The following CACNA2D3 variants were observed in gnomAD, a reference collection of about 807,000 sequenced individuals.
The protein encoded by CACNA2D3 is calcium voltage-gated channel auxiliary subunit alpha2delta 3.
A neutral mutation model predicts 160.6 loss-of-function variants in CACNA2D3; 60 were observed. The observed-to-expected ratio is 0.37, with a 90% CI of 0.30 to 0.46. CACNA2D3 has a LOEUF of 0.46. Among genes scored for constraint, CACNA2D3 ranks in the 20% least tolerant of loss-of-function variants. The pLI, the probability that CACNA2D3 is intolerant of heterozygous loss-of-function variation, is 1.00. For missense variants in CACNA2D3, 1,205 were observed against 1,365.0 expected (o/e 0.88, Z 1.85); for synonymous variants, 558 against 492.9 (o/e 1.13, Z -1.75).
At chr3:55,000,209 C>T (rs1042052431) in intron 31 of CACNA2D3, among the ~76,000 whole-genome samples, 5 of 151,938 alleles carry the variant, frequency 3.3e-5, no homozygotes, top group African/African-American at 7.3e-5. Flanking sequence ...TGTAATCAGC[C>T]GAACAGGATA....
intron 14 of CACNA2D3, among the ~76,000 whole-genome samples, chr3:54,819,720 C>G (rs1177768444): frequency 6.6e-6 from 1 of 152,100 alleles, no homozygotes. Flanking sequence ...TGGCGCACAC[C>G]TATAGTCCCA....
At chr3:54,631,196 T>G (rs1699229870) in intron 10 of CACNA2D3, among the ~76,000 whole-genome samples, 1 of 116,130 alleles carries the variant, frequency 8.6e-6, no homozygotes, top group Admixed American at 9.1e-5. Context: ...AGAGCGAGAC[T>G]CCATCAAACA....
rs753110663 is a variant in CACNA2D3, at chr3:54,572,556, C to T, written c.888+2452C>T. 1.3e-4 allele frequency among the ~76,000 whole-genome samples: 20 copies of T among 152,160 alleles called. 2 individuals carry two copies. Among genetic ancestry groups the T allele is most frequent in the Admixed American group, 1.1e-3 (17 of 15,276 alleles). ...GCACGGTGAAGGCTCAGACATTGTC[C>T]GGCTTCACCTTGCACCCTTTCCTGA... On this transcript the variant is annotated intron_variant, in intron 8 of 37. Transcript: ENST00000474759.
At chr3:54,350,987 T>TTTTTTTTTTTG (rs1698550335) in intron 3 of CACNA2D3, among the ~76,000 whole-genome samples, 1 of 28,784 alleles carries the variant, frequency 3.5e-5, no homozygotes, top group African/African-American at 1.6e-4. Context: ...TTTTTGTTTG[T>TTTTTTTTTTTG]TTTTTTTTTT....
Position 54,122,653 on chromosome 3 carries a change from G to A in CACNA2D3, c.-61G>A, listed in dbSNP as rs1699497602. 1.0e-6 allele frequency: 1 copy of A among 990,560 alleles called. No individual in the cohort carries two copies. The highest frequency in any genetic ancestry group is 1.8e-5 in the African/African-American group (1 of 55,268). The allele number at this position is 990,560 out of a possible 1,614,324, so 61.4% of individuals were successfully genotyped here. A position where few individuals can be genotyped will look rare whatever the true frequency, so the allele number is the denominator to read the frequency against. On this transcript the variant is annotated 5_prime_UTR_variant, in exon 1 of 38. Transcript: ENST00000474759. Reference sequence around the variant, plus strand: ...CGCGCGCTCGCCCACCGCCCGCTCCGCGCAGCTCCCCGCGGCCGCTCTCGT... The same window carrying A: ...CGCGCGCTCGCCCACCGCCCGCTCCACGCAGCTCCCCGCGGCCGCTCTCGT...
chr3:54,685,823 T>G (rs935433627), intron 11 of CACNA2D3, among the ~76,000 whole-genome samples: 1 of 152,160 alleles, frequency 6.6e-6, no homozygotes, highest in Non-Finnish European at 1.5e-5. Flanking sequence ...GATTCCTTCC[T>G]CCACCTCATC....
At chr3:54,939,956 T>A (rs76294476) in intron 27 of CACNA2D3, among the ~76,000 whole-genome samples, 3,226 of 152,232 alleles carry the variant, frequency 0.021, 115 homozygotes, top group African/African-American at 0.07. Flanking sequence ...CCATGATGGA[T>A]TTCTAGGTCA....
At chr3:54,854,806 C>T (rs114092021) in intron 17 of CACNA2D3, among the ~76,000 whole-genome samples, 1 of 152,162 alleles carries the variant, frequency 6.6e-6, no homozygotes, top group Non-Finnish European at 1.5e-5. Context: ...AAGATATTCC[C>T]TGATGCTTAG....
At chr3:54,849,627 A>G (rs1179897785) in intron 17 of CACNA2D3, among the ~76,000 whole-genome samples, 1 of 152,194 alleles carries the variant, frequency 6.6e-6, no homozygotes, top group Non-Finnish European at 1.5e-5. Flanking sequence ...TAGCTCAGGC[A>G]GGGAACCCTC....
At chr3:54,753,446 G>T (rs1315581697) in intron 12 of CACNA2D3, among the ~76,000 whole-genome samples, 2 of 152,116 alleles carry the variant, frequency 1.3e-5, no homozygotes, top group African/African-American at 4.8e-5. Flanking sequence ...AACTCTGAAG[G>T]TACATGGTCC....
At chr3:54,157,360 A>G (rs964422800) in intron 2 of CACNA2D3, among the ~76,000 whole-genome samples, 3 of 152,152 alleles carry the variant, frequency 2.0e-5, no homozygotes, top group Non-Finnish European at 4.4e-5. Context: ...GGGGGACACA[A>G]TATATCCCAT....
chr3:54,359,075 G>T (rs192309275), intron 3 of CACNA2D3, among the ~76,000 whole-genome samples: 3 of 152,128 alleles, frequency 2.0e-5, no homozygotes, highest in African/African-American at 7.2e-5. Context: ...TATGCATTAT[G>T]GGAGAAATGA....
chr3:54,875,993 A>G (rs1575524838), intron 18 of CACNA2D3, among the ~76,000 whole-genome samples: 2 of 152,316 alleles, frequency 1.3e-5, no homozygotes, highest in Middle Eastern at 3.4e-3. Context: ...TTCTCTGACT[A>G]TGTGTTAAGT....
At chr3:54,352,425 GTT>G in intron 3 of CACNA2D3, among the ~76,000 whole-genome samples, 1 of 152,328 alleles carries the variant, frequency 6.6e-6, no homozygotes, top group East Asian at 1.9e-4. Flanking sequence ...ATAAATGCTT[GTT>G]AAAGTGAACT....
At chr3:54,454,093 A>G (rs1199684276) in intron 4 of CACNA2D3, among the ~76,000 whole-genome samples, 2 of 152,190 alleles carry the variant, frequency 1.3e-5, no homozygotes, top group Non-Finnish European at 2.9e-5. Context: ...TAACAGTCCT[A>G]TGAATCTGCA....
At chr3:54,490,459 T>C (rs1193166203) in intron 4 of CACNA2D3, among the ~76,000 whole-genome samples, 1 of 152,244 alleles carries the variant, frequency 6.6e-6, no homozygotes, top group East Asian at 1.9e-4. Context: ...CATCTAATTC[T>C]TCCTCTGGCT....
intron 2 of CACNA2D3, among the ~76,000 whole-genome samples, chr3:54,288,696 C>T (rs1575371328): frequency 6.6e-6 from 1 of 152,246 alleles, no homozygotes; most frequent in Non-Finnish European, 1.5e-5. Flanking sequence ...AAACTGAATC[C>T]AGCAGCACAT....
At chr3:55,036,717 C>A (rs140624235) in intron 35 of CACNA2D3, among the ~76,000 whole-genome samples, 10,172 of 152,122 alleles carry the variant, frequency 0.067, 1,139 homozygotes, top group African/African-American at 0.23. Flanking sequence ...CCACCCACCT[C>A]GGCTTCCCAA....
rs564733953 is a variant in CACNA2D3, at chr3:54,598,128, A to G, written c.963+16251A>G. 1.6e-3 allele frequency among the ~76,000 whole-genome samples: 216 copies of G among 138,114 alleles called. 1 individual carries two copies. The highest frequency in any genetic ancestry group is 2.0e-3 in the Non-Finnish European group (126 of 64,214). The allele number at this position is 138,114 out of a possible 152,430, so 90.6% of individuals were successfully genotyped here. A position where few individuals can be genotyped will look rare whatever the true frequency, so the allele number is the denominator to read the frequency against. On this transcript the variant is annotated intron_variant, in intron 9 of 37. Transcript: ENST00000474759. ...AACATGGTGAAACACTATCTCTACTAAAAAAAAAAAATACAACAACAACAA... is the reference window on the plus strand; with the variant it reads ...AACATGGTGAAACACTATCTCTACTGAAAAAAAAAAATACAACAACAACAA...
Sources: gnomAD v4.1 joint callset for allele counts (sites outside exome capture counted in the v4.1 genomes callset) on GRCh38, gnomAD v4.1.1 for gene constraint, MANE v1.5 for transcripts, NCBI Gene and HGNC (gene_info 2026-07-23, HGNC 2026-07-21) for gene names.